The following NRXN3 variants were observed in gnomAD, a reference collection of about 807,000 sequenced individuals.
NRXN3 encodes neurexin III.
Under a neutral mutation model 137.6 loss-of-function variants are expected in NRXN3, and 32 were observed. That is an observed-to-expected ratio of 0.23 (90% confidence interval 0.18 to 0.31). The LOEUF (loss-of-function observed/expected upper bound fraction) is 0.31, where lower values mean the gene tolerates loss of function less well. Ranked by LOEUF, NRXN3 falls within the 10% of genes least tolerant of loss-of-function variation. The pLI is 1.00. For missense variants in NRXN3, 1,574 were observed against 2,062.5 expected (o/e 0.76, Z 4.59); for synonymous variants, 798 against 784.5 (o/e 1.02, Z -0.29).
At chr14:78,281,458 G>A (rs2074398466) in intron 3 of NRXN3, among the ~76,000 whole-genome samples, 1 of 152,194 alleles carries the variant, frequency 6.6e-6, no homozygotes, top group South Asian at 2.1e-4. Context: ...CTACTGTAAA[G>A]CAGTCTGAGA....
At chr14:79,127,895 C>T (rs76998947) in intron 15 of NRXN3, among the ~76,000 whole-genome samples, 1 of 151,094 alleles carries the variant, frequency 6.6e-6, no homozygotes, top group Non-Finnish European at 1.5e-5. Flanking sequence ...CCTTCACATC[C>T]CTTGTAAGTT....
chr14:78,783,969 C>G (rs2098779611), intron 8 of NRXN3, among the ~76,000 whole-genome samples: 2 of 149,910 alleles, frequency 1.3e-5, no homozygotes, highest in East Asian at 4.0e-4. Context: ...GGACCAGGCA[C>G]TCTTCTAGAA....
At chr14:78,688,806 GA>G (rs2098144006) in intron 6 of NRXN3, among the ~76,000 whole-genome samples, 1 of 151,980 alleles carries the variant, frequency 6.6e-6, no homozygotes, top group Admixed American at 6.6e-5. Context: ...TCTTCATAGA[GA>G]AAAGAGAACA....
intron 15 of NRXN3, among the ~76,000 whole-genome samples, chr14:79,168,235 A>G (rs1450849418): frequency 6.6e-6 from 1 of 152,030 alleles, no homozygotes; most frequent in African/African-American, 2.4e-5. Flanking sequence ...ACAGGATGGA[A>G]TTAGCACAAA....
chr14:79,381,815 A>G, intron 15 of NRXN3, among the ~76,000 whole-genome samples: 1 of 152,206 alleles, frequency 6.6e-6, no homozygotes, highest in East Asian at 1.9e-4. Context: ...TAAAGGCATC[A>G]GGCAGAAAAC....
At chr14:78,633,180 G>T (rs1321382137) in intron 4 of NRXN3, among the ~76,000 whole-genome samples, 1 of 146,596 alleles carries the variant, frequency 6.8e-6, no homozygotes, top group Non-Finnish European at 1.5e-5. Context: ...GCATGAACCC[G>T]GGAGGCAGAG....
At chr14:78,958,576 C>T (rs1160144071) in intron 11 of NRXN3, among the ~76,000 whole-genome samples, 1 of 152,096 alleles carries the variant, frequency 6.6e-6, no homozygotes, top group Non-Finnish European at 1.5e-5. Context: ...AGGATGGTCT[C>T]CATCTCCTGA....
At chr14:79,713,550 C>G (rs765808669) in intron 19 of NRXN3, among the ~76,000 whole-genome samples, 39 of 131,038 alleles carry the variant, frequency 3.0e-4, no homozygotes, top group Middle Eastern at 4.1e-3. Flanking sequence ...GTAATTCTTA[C>G]TGGAATTGTG....
intron 15 of NRXN3, among the ~76,000 whole-genome samples, chr14:79,092,973 T>A (rs1313190614): frequency 6.6e-6 from 1 of 152,182 alleles, no homozygotes; most frequent in Non-Finnish European, 1.5e-5. Flanking sequence ...TATGAGTGTG[T>A]CCAGAGAACC....
At chr14:78,808,377 CTTG>C (rs2098890188) in intron 9 of NRXN3, among the ~76,000 whole-genome samples, 2 of 152,198 alleles carry the variant, frequency 1.3e-5, no homozygotes, top group Admixed American at 6.5e-5. Flanking sequence ...ACAAAACCCA[CTTG>C]TTGTTTGCAG....
intron 15 of NRXN3, among the ~76,000 whole-genome samples, chr14:79,132,129 T>C (rs2152966652): frequency 6.6e-6 from 1 of 152,320 alleles, no homozygotes; most frequent in East Asian, 1.9e-4. Flanking sequence ...ATGCAGAAAT[T>C]ACCCGTCTTC....
At chr14:78,303,723 C>T (rs2205163) in intron 4 of NRXN3, among the ~76,000 whole-genome samples, 79,154 of 151,942 alleles carry the variant, frequency 0.52, 20,906 homozygotes, top group East Asian at 0.78. Context: ...AAGCTCTATT[C>T]TCTTTCTTAA....
At position 78,688,994 on chromosome 14, in the gene NRXN3, T is replaced by G. The variant is rs1360802466; in HGVS notation, c.1222-20223T>G. Among the ~76,000 whole-genome samples, 3 of 152,262 alleles carry G rather than the reference T, an allele frequency of 2.0e-5. No individual in the cohort carries two copies. The East Asian group carries it at 5.8e-4, about 29-fold the overall frequency. ...TGTTCCTGGAAATATGTAGTCTATA[T>G]TCTGTACTCTCTGGCCAAATTTGAA... is the stretch of plus-strand genomic sequence containing the variant. On this transcript the variant is annotated intron_variant, in intron 6 of 20. Transcript: ENST00000335750.
rs569692636 is a variant in NRXN3, at chr14:78,246,632, C to A, written c.709+2830C>A. 1.2e-4 allele frequency among the ~76,000 whole-genome samples: 19 copies of A among 152,290 alleles called. 1 individual carries two copies. In the East Asian group the frequency reaches 3.7e-3, roughly 29 times the overall value. ...TTGATCCTGGTAATTGTCATCAAGT[C>A]TAATCAATCACAAAAATGCATCACA... On this transcript the variant is annotated intron_variant, in intron 2 of 20. Coordinates refer to ENST00000335750, the MANE Select transcript of NRXN3 (RefSeq NM_001330195.2).
chr14:78,232,176 G>A (rs1264759411), intron 1 of NRXN3, among the ~76,000 whole-genome samples: 3 of 152,260 alleles, frequency 2.0e-5, no homozygotes, highest in Admixed American at 1.3e-4. Context: ...TCACCCTGTG[G>A]TGAAGCTGGG....
At chr14:78,356,019 G>A (rs559244614) in intron 4 of NRXN3, among the ~76,000 whole-genome samples, 39 of 152,338 alleles carry the variant, frequency 2.6e-4, no homozygotes, top group African/African-American at 9.1e-4. Context: ...CTCAGAGACA[G>A]GTGGCGAAAA....
chr14:78,599,409 T>C (rs945292785), intron 4 of NRXN3, among the ~76,000 whole-genome samples: 1 of 152,260 alleles, frequency 6.6e-6, no homozygotes, highest in Admixed American at 6.5e-5. Flanking sequence ...CTTTCTTGCT[T>C]CATAATAGAA....
intron 15 of NRXN3, among the ~76,000 whole-genome samples, chr14:79,204,518 G>A (rs1029244585): frequency 2.0e-5 from 3 of 152,092 alleles, no homozygotes; most frequent in African/African-American, 7.2e-5. Flanking sequence ...AAAGAAAGCA[G>A]CATCAGAATC....
chr14:78,507,000 T>C (rs1473617521), intron 4 of NRXN3, among the ~76,000 whole-genome samples: 1 of 152,190 alleles, frequency 6.6e-6, no homozygotes, highest in Non-Finnish European at 1.5e-5. Context: ...GCATTCCTTA[T>C]ATATTTTGGG....
Sources: allele counts gnomAD v4.1 joint callset (sites outside exome capture counted in the v4.1 genomes callset), GRCh38; gene constraint gnomAD v4.1.1; transcripts MANE v1.5; gene names NCBI Gene and HGNC (gene_info 2026-07-23, HGNC 2026-07-21).